The following TUBB8 variants were observed in gnomAD, a reference collection of about 807,000 sequenced individuals.
TUBB8 encodes tubulin beta 8 class VIII, also known as tubulin beta-8 chain.
TUBB8 carries 25 observed loss-of-function variants against 33.7 expected under a neutral mutation model. That is an observed-to-expected ratio of 0.74 (90% CI 0.54 to 1.04). The LOEUF is 1.04. Among genes scored for constraint, TUBB8 ranks in the 50% least tolerant of loss-of-function variants. The pLI, the probability that TUBB8 is intolerant of heterozygous loss-of-function variation, is 0.00. For synonymous variants in TUBB8, 245 were observed against 240.1 expected, an observed-to-expected ratio of 1.02 and a Z score of -0.19; for missense variants, 279 against 608.0, an observed-to-expected ratio of 0.46 and a Z score of 5.69.
At chr10:62,398 C>T (rs1288365126) in intron 1 of TUBB8, among the ~76,000 whole-genome samples, 3 of 152,224 alleles carry the variant, frequency 2.0e-5, no homozygotes, top group African/African-American at 7.2e-5. Context: ...TACACTTTAA[C>T]TCCATTGCCA....
chr10:58,900 G>A (rs1834564920), intron 1 of TUBB8, among the ~76,000 whole-genome samples: 1 of 152,132 alleles, frequency 6.6e-6, no homozygotes, highest in South Asian at 2.1e-4. Flanking sequence ...TTTCCAACTG[G>A]GGTGCCTTTT....
At chr10:64,769 A>T (rs1362156847) in intron 1 of TUBB8, among the ~76,000 whole-genome samples, 1 of 152,218 alleles carries the variant, frequency 6.6e-6, no homozygotes, top group Non-Finnish European at 1.5e-5. Context: ...TCAACTAAGA[A>T]ATAAATGAAA....
At chr10:66,181 G>C (rs1281393001) in intron 1 of TUBB8, among the ~76,000 whole-genome samples, 1 of 152,168 alleles carries the variant, frequency 6.6e-6, no homozygotes, top group East Asian at 1.9e-4. Context: ...TATGTGTTAG[G>C]AAACAGTACA....
intron 1 of TUBB8, among the ~76,000 whole-genome samples, chr10:68,397 C>A (rs1282360913): frequency 5.9e-5 from 9 of 152,168 alleles, no homozygotes; most frequent in Admixed American, 5.9e-4. Context: ...ATGACGCCCA[C>A]AATACTGCTA....
chr10:54,334 T>G (rs1554739946), intron 1 of TUBB8, among the ~76,000 whole-genome samples: 1 of 151,348 alleles, frequency 6.6e-6, no homozygotes. Flanking sequence ...ACATAAAAAC[T>G]TTCAGTTCCA....
intron 1 of TUBB8, among the ~76,000 whole-genome samples, chr10:54,852 G>A (rs1834509579): frequency 2.0e-5 from 3 of 152,126 alleles, no homozygotes; most frequent in Admixed American, 2.0e-4. Flanking sequence ...TCCACCTCCT[G>A]GGTTCAAGCA....
At chr10:46,817 C>A, downstream of TUBB8, 1 of 434,006 alleles carries the variant, frequency 2.3e-6, no homozygotes. Flanking sequence ...ACAGCTTCCG[C>A]CTTGCAGGAC....
intron 1 of TUBB8, among the ~76,000 whole-genome samples, chr10:64,908 G>C (rs1478578074): frequency 2.7e-5 from 4 of 148,276 alleles, no homozygotes; most frequent in African/African-American, 1.0e-4. Flanking sequence ...AGGCAGAAGT[G>C]AGTGGATCAC....
At chr10:69,514 T>A (rs1834710270) in intron 1 of TUBB8, among the ~76,000 whole-genome samples, 1 of 152,174 alleles carries the variant, frequency 6.6e-6, no homozygotes, top group South Asian at 2.1e-4. Context: ...AATTTGTAGA[T>A]CAAGGAAATA....
At chr10:76,158 AAAC>A (rs1834811355), upstream of TUBB8, among the ~76,000 whole-genome samples, 2 of 150,898 alleles carry the variant, frequency 1.3e-5, no homozygotes, top group Admixed American at 6.6e-5. Flanking sequence ...AAAAAAAAAA[AAAC>A]ACGAGCACCG....
intron 1 of TUBB8, among the ~76,000 whole-genome samples, chr10:62,279 T>G (rs1834612851): frequency 6.6e-6 from 1 of 152,268 alleles, no homozygotes; most frequent in Non-Finnish European, 1.5e-5. Context: ...TGATTTAAAA[T>G]TATCATGAGG....
chr10:60,997 A>C (rs1306867607), intron 1 of TUBB8, among the ~76,000 whole-genome samples: 1 of 148,260 alleles, frequency 6.7e-6, no homozygotes, highest in South Asian at 2.1e-4. Context: ...AACACCGCAT[A>C]TTCTCACTCA....
intron 1 of TUBB8, among the ~76,000 whole-genome samples, chr10:59,449 A>G (rs1834571201): frequency 6.6e-6 from 1 of 152,214 alleles, no homozygotes; most frequent in Non-Finnish European, 1.5e-5. Flanking sequence ...TAGGCTTCCA[A>G]AAGTGCTGGG....
intron 1 of TUBB8, among the ~76,000 whole-genome samples, chr10:71,037 C>T (rs1368954690): frequency 6.6e-6 from 1 of 152,080 alleles, no homozygotes; most frequent in Non-Finnish European, 1.5e-5. Flanking sequence ...AGGGGCAGGG[C>T]GTGGTGGCTC....
chr10:62,201 G>A (rs1554740972), intron 1 of TUBB8, among the ~76,000 whole-genome samples: 3 of 152,066 alleles, frequency 2.0e-5, no homozygotes, highest in African/African-American at 7.2e-5. Context: ...TTTTAGTGAA[G>A]GTGATTTATC....
intron 1 of TUBB8, among the ~76,000 whole-genome samples, chr10:56,317 G>A (rs1357484820): frequency 2.0e-5 from 3 of 152,092 alleles, no homozygotes; most frequent in Non-Finnish European, 4.4e-5. Context: ...ATTTGTACAT[G>A]TTGATTTTGT....
intron 1 of TUBB8, among the ~76,000 whole-genome samples, chr10:57,571 T>A (rs1282904756): frequency 6.6e-6 from 1 of 152,212 alleles, no homozygotes; most frequent in Non-Finnish European, 1.5e-5. Flanking sequence ...GCTTATGGCT[T>A]GCACCCTCTG....
intron 1 of TUBB8, among the ~76,000 whole-genome samples, chr10:54,369 T>A (rs1474573701): frequency 6.6e-6 from 1 of 151,588 alleles, no homozygotes; most frequent in Non-Finnish European, 1.5e-5. Context: ...AATGACAGAC[T>A]CTCATTCTTT....
upstream of TUBB8, chr10:49,748 A>G: frequency 5.5e-6 from 2 of 365,116 alleles, no homozygotes; most frequent in Non-Finnish European, 1.1e-5. Flanking sequence ...GTTCTAACCC[A>G]CAATAAGCTA....
Sources: gnomAD v4.1 joint callset for allele counts (sites outside exome capture counted in the v4.1 genomes callset) on GRCh38, gnomAD v4.1.1 for gene constraint, MANE v1.5 for transcripts, NCBI Gene and HGNC (gene_info 2026-07-23, HGNC 2026-07-21) for gene names.